Variants in MEMO1 observed in about 807,000 individuals in gnomAD.
The protein encoded by MEMO1 is mediator of cell motility 1.
In MEMO1, 6 loss-of-function variants were observed where a neutral mutation model predicts 45.2. That is an observed-to-expected ratio of 0.13 (90% CI 0.07 to 0.26). MEMO1 has a LOEUF of 0.26. Ranked by LOEUF, MEMO1 falls within the 10% of genes least tolerant of loss-of-function variation. MEMO1 has a pLI of 1.00. For synonymous variants in MEMO1, 78 were observed against 124.3 expected, an observed-to-expected ratio of 0.63 and a Z score of 2.48; for missense variants, 184 against 370.5, an observed-to-expected ratio of 0.50 and a Z score of 4.13.
chr2:31,996,971 T>C (rs1237770687), intron 2 of MEMO1, among the ~76,000 whole-genome samples: 2 of 152,080 alleles, frequency 1.3e-5, no homozygotes, highest in Non-Finnish European at 2.9e-5. Context: ...AAGACAGATC[T>C]TGTAATGCAC....
At chr2:31,935,535 C>A (rs1020651437) in intron 3 of MEMO1, among the ~76,000 whole-genome samples, 2 of 152,000 alleles carry the variant, frequency 1.3e-5, no homozygotes, top group African/African-American at 4.8e-5. Flanking sequence ...AACTTCGAGG[C>A]TACACTGCAG....
At chr2:31,991,584 AAAACAC>A (rs1286115720) in intron 2 of MEMO1, among the ~76,000 whole-genome samples, 1 of 152,076 alleles carries the variant, frequency 6.6e-6, no homozygotes, top group East Asian at 1.9e-4. Context: ...AAAAAAAAAA[AAAACAC>A]AACACACACA....
At chr2:31,995,938 C>G (rs558568699) in intron 2 of MEMO1, among the ~76,000 whole-genome samples, 33 of 152,208 alleles carry the variant, frequency 2.2e-4, no homozygotes, top group Admixed American at 2.2e-3. Flanking sequence ...CTTCCAGAAG[C>G]TATGCTAAGC....
chr2:31,915,675 G>A (rs1307136150), intron 6 of MEMO1, among the ~76,000 whole-genome samples: 1 of 151,956 alleles, frequency 6.6e-6, no homozygotes, highest in African/African-American at 2.4e-5. Context: ...AGAAATGAGG[G>A]GTCTCAACAG....
chr2:31,987,020 T>C (rs1671345023), intron 2 of MEMO1, among the ~76,000 whole-genome samples: 1 of 152,124 alleles, frequency 6.6e-6, no homozygotes, highest in Non-Finnish European at 1.5e-5. Flanking sequence ...CTGTTTTTGT[T>C]TGAGATGTGT....
chr2:31,961,926 T>C (rs1160855471), intron 2 of MEMO1, among the ~76,000 whole-genome samples: 1 of 152,196 alleles, frequency 6.6e-6, no homozygotes, highest in East Asian at 1.9e-4. Flanking sequence ...GCCATTTTAG[T>C]CTGGCTCTGA....
At chr2:31,900,322 C>A (rs1266906442) in intron 6 of MEMO1, among the ~76,000 whole-genome samples, 4 of 152,092 alleles carry the variant, frequency 2.6e-5, no homozygotes, top group Non-Finnish European at 5.9e-5. Context: ...AAATGAGGCA[C>A]CTATATACCA....
intron 2 of MEMO1, among the ~76,000 whole-genome samples, chr2:31,948,982 T>C (rs1022116097): frequency 5.3e-5 from 8 of 152,118 alleles, no homozygotes; most frequent in African/African-American, 9.7e-5. Flanking sequence ...AAAGAAGATA[T>C]ACAATGGCAA....
chr2:31,970,549 A>G (rs1669261996), intron 2 of MEMO1, among the ~76,000 whole-genome samples: 1 of 152,168 alleles, frequency 6.6e-6, no homozygotes, highest in South Asian at 2.1e-4. Context: ...TCTTAGGTTT[A>G]CTATCTGTTA....
intron 2 of MEMO1, among the ~76,000 whole-genome samples, chr2:31,965,521 TATAA>T (rs1668517273): frequency 1.3e-5 from 2 of 152,152 alleles, no homozygotes; most frequent in Non-Finnish European, 2.9e-5. Context: ...GAAAGAATAT[TATAA>T]ATGAGAACAA....
chr2:31,989,162 A>C (rs1326621847), intron 2 of MEMO1, among the ~76,000 whole-genome samples: 2 of 151,748 alleles, frequency 1.3e-5, no homozygotes, highest in Non-Finnish European at 2.9e-5. Context: ...GCCGAGCCAA[A>C]GGCTGCGGTG....
chr2:31,874,111 A>C (rs1296672810), intron 8 of MEMO1, among the ~76,000 whole-genome samples: 1 of 152,154 alleles, frequency 6.6e-6, no homozygotes, highest in East Asian at 1.9e-4. Context: ...ATACAATGAC[A>C]TTTTCAGATT....
intron 2 of MEMO1, among the ~76,000 whole-genome samples, chr2:31,961,909 A>C (rs1668048207): frequency 6.6e-6 from 1 of 152,168 alleles, no homozygotes; most frequent in Non-Finnish European, 1.5e-5. Context: ...CAATGCTAAG[A>C]ATCTGAGCCA....
intron 2 of MEMO1, among the ~76,000 whole-genome samples, chr2:31,983,315 A>G (rs994825110): frequency 5.3e-5 from 8 of 152,194 alleles, no homozygotes; most frequent in Non-Finnish European, 7.3e-5. Context: ...ACAGAAAGAG[A>G]TATGTGTGTA....
At chr2:31,878,258 C>T (rs1674851228) in intron 8 of MEMO1, among the ~76,000 whole-genome samples, 1 of 152,054 alleles carries the variant, frequency 6.6e-6, no homozygotes, top group African/African-American at 2.4e-5. Context: ...GGGCTCTTAA[C>T]ATTTGGGGGC....
intron 2 of MEMO1, among the ~76,000 whole-genome samples, chr2:31,951,467 A>G (rs1367398904): frequency 6.6e-6 from 1 of 151,810 alleles, no homozygotes; most frequent in Non-Finnish European, 1.5e-5. Context: ...TCTCACTACA[A>G]TGAAAAGTGT....
chr2:32,002,411 G>C (rs898687392), intron 2 of MEMO1, among the ~76,000 whole-genome samples: 1 of 150,048 alleles, frequency 6.7e-6, no homozygotes, highest in Admixed American at 6.7e-5. Context: ...TAATATACAT[G>C]TATGAGTTAA....
At chr2:31,963,088 G>C in intron 2 of MEMO1, 2 of 1,390,936 alleles carry the variant, frequency 1.4e-6, no homozygotes, top group South Asian at 1.8e-5. Context: ...CCTAAGTCTT[G>C]AGTCAACCAA....
chr2:31,939,305 A>G (rs895521705), intron 3 of MEMO1, among the ~76,000 whole-genome samples: 4 of 152,088 alleles, frequency 2.6e-5, no homozygotes, highest in African/African-American at 9.7e-5. Context: ...AACATTTATT[A>G]TACGTTATAT....
Sources: allele counts gnomAD v4.1 joint callset (sites outside exome capture counted in the v4.1 genomes callset), GRCh38; gene constraint gnomAD v4.1.1; transcripts MANE v1.5; gene names NCBI Gene and HGNC (gene_info 2026-07-23, HGNC 2026-07-21).